The following SEL1L3 variants were observed in gnomAD, a reference collection of about 807,000 sequenced individuals.
SEL1L3 encodes the protein SEL1L family member 3.
In SEL1L3, 76 loss-of-function variants were observed where a neutral mutation model predicts 142.8. That is an observed-to-expected ratio of 0.53 (90% CI 0.44 to 0.64). The LOEUF (loss-of-function observed/expected upper bound fraction) is 0.64, where lower values mean the gene tolerates loss of function less well. SEL1L3 is among the 30% of genes least tolerant of loss of function. The pLI is 0.00. For synonymous variants in SEL1L3, 504 were observed against 519.6 expected, an observed-to-expected ratio of 0.97 and a Z score of 0.41; for missense variants, 1,262 against 1,381.7, an observed-to-expected ratio of 0.91 and a Z score of 1.37.
chr4:25,832,011 A>G (rs1715480627), intron 5 of SEL1L3, among the ~76,000 whole-genome samples: 1 of 152,198 alleles, frequency 6.6e-6, no homozygotes, highest in South Asian at 2.1e-4. Context: ...AAGAGAAAGC[A>G]TCAACCAAGC....
chr4:25,852,739 C>T (rs1716988076), intron 1 of SEL1L3, among the ~76,000 whole-genome samples: 1 of 152,146 alleles, frequency 6.6e-6, no homozygotes, highest in Non-Finnish European at 1.5e-5. Flanking sequence ...TGTTCTTTCC[C>T]AAAGAACAAC....
intron 3 of SEL1L3, among the ~76,000 whole-genome samples, chr4:25,834,387 T>C (rs1168460780): frequency 2.0e-5 from 3 of 152,262 alleles, no homozygotes; most frequent in African/African-American, 7.2e-5. Context: ...ATTTTGTATG[T>C]GAAACATGGA....
In SEL1L3 at chr4:25,767,851, A is replaced by T. The variant is rs760719473; in HGVS notation, c.2670-21T>A. Reference sequence around the variant, plus strand: ...CATGCCTAAAAATAGATGATTAATAATAAATTTCATATAGTGGCTCTTACT... The same window carrying T: ...CATGCCTAAAAATAGATGATTAATATTAAATTTCATATAGTGGCTCTTACT... On this transcript the variant is annotated intron_variant, in intron 17 of 23. Transcript: ENST00000399878. 2.9e-6 allele frequency: 4 copies of T among 1,380,358 alleles called. No individual in the cohort carries two copies. The South Asian group carries it at 5.0e-5, about 17-fold the overall frequency. The allele number at this position is 1,380,358 out of a possible 1,614,324, so 85.5% of individuals were successfully genotyped here.
Position 25,783,693 on chromosome 4 carries a change from T to C in SEL1L3, c.2280+535A>G, listed in dbSNP as rs138912078. Among the ~76,000 whole-genome samples, 447 of 152,334 alleles carry C rather than the reference T, an allele frequency of 2.9e-3. 3 individuals are homozygous for C. Among genetic ancestry groups the C allele is most frequent in the African/African-American group, 0.01 (416 of 41,572 alleles). On this transcript the variant is annotated intron_variant, in intron 14 of 23. Coordinates refer to ENST00000399878, the MANE Select transcript of SEL1L3 (RefSeq NM_015187.5). ...AAGCAACATTGTAACCTCCATTCTG[T>C]AGAGCTGTATAGGAACTAGCTGACT...
chr4:25,770,044 C>T (rs1719046067), intron 17 of SEL1L3, among the ~76,000 whole-genome samples: 1 of 152,044 alleles, frequency 6.6e-6, no homozygotes, highest in African/African-American at 2.4e-5. Flanking sequence ...AGGAGAATCG[C>T]TCGAACACGA....
In SEL1L3 at chr4:25,862,709, C is replaced by A; in HGVS notation, c.128G>T (p.Arg43Leu). 7.7e-6 allele frequency: 10 copies of A among 1,298,036 alleles called. No individual in the cohort carries two copies. The highest frequency in any genetic ancestry group is 9.8e-6 in the Non-Finnish European group (10 of 1,020,372). 80.4% of individuals were successfully genotyped at this position (1,298,036 alleles called of 1,614,324 possible). ...GAGCAGGAGCAGCGCGCAGGCAGAG[C>A]GGCCGCCGAGGCCCTGGGGGACGCC... ...SGGVPQGLGGRSACALLLLCY... is the reference protein window; with the variant it reads ...SGGVPQGLGGLSACALLLLCY... The change falls in exon 1 of 24, where the codon CGC becomes CTC. Residue 43 changes from arginine (R) to leucine (L), a missense_variant. Coordinates refer to ENST00000399878, the MANE Select transcript of SEL1L3 (RefSeq NM_015187.5).
At chr4:25,741,025 T>C in the SEL1L3 span, among the ~76,000 whole-genome samples, 2 of 152,112 alleles carry the variant, frequency 1.3e-5, no homozygotes, top group Non-Finnish European at 2.9e-5. Context: ...CCTCAAGTGA[T>C]ATGCCCACCT....
rs1456793641 is a variant in SEL1L3 at position 25,833,092 on chromosome 4, A to G, written c.1001T>C (p.Met334Thr). The G allele has an allele frequency of 6.2e-7, 1 of 1,602,766 alleles. No homozygotes were observed. Among genetic ancestry groups the G allele is most frequent in the African/African-American group, 1.3e-5 (1 of 74,842 alleles). Residue 334 changes from methionine to threonine, a missense_variant, in exon 5 of 24, where the codon ATG becomes ACG. Met to Thr is a moderately conservative substitution (Grantham distance 81). Transcript: ENST00000399878. ...LTEEGYLHIQ[M>T]HLVKGEDLAV... ...AAGGTCTTCCCCTTTGACAAGATGC[A>G]TCTGAATATGCAAATAGCCTAAAAG...
At chr4:25,804,012 T>C (rs1713381157) in intron 10 of SEL1L3, among the ~76,000 whole-genome samples, 1 of 152,218 alleles carries the variant, frequency 6.6e-6, no homozygotes, top group South Asian at 2.1e-4. Flanking sequence ...TTGGTTCTGT[T>C]TCACTGGAGA....
chr4:25,731,005 T>C, the SEL1L3 span, among the ~76,000 whole-genome samples: 1 of 152,200 alleles, frequency 6.6e-6, no homozygotes, highest in Non-Finnish European at 1.5e-5. Flanking sequence ...CACTCCAGCC[T>C]GAGCAACAGA....
At chr4:25,858,626 G>T (rs990841449) in intron 1 of SEL1L3, among the ~76,000 whole-genome samples, 4 of 151,782 alleles carry the variant, frequency 2.6e-5, no homozygotes, top group Non-Finnish European at 4.4e-5. Context: ...TCACTCTGTC[G>T]CCAGGCTGGA....
chr4:25,862,522 C>T (rs1306856886), intron 1 of SEL1L3, among the ~76,000 whole-genome samples, 153 bp downstream of exon 1: 3 of 152,106 alleles, frequency 2.0e-5, no homozygotes, highest in Non-Finnish European at 4.4e-5. Flanking sequence ...GTACCTATCC[C>T]AGGTGCCGGG....
intron 7 of SEL1L3, among the ~76,000 whole-genome samples, chr4:25,820,885 A>G (rs936926182): frequency 1.3e-5 from 2 of 152,048 alleles, no homozygotes; most frequent in African/African-American, 4.8e-5. Context: ...GGTTCAAGTG[A>G]GCACGTCCAG....
chr4:25,835,485 C>T (rs1449902037), intron 2 of SEL1L3, among the ~76,000 whole-genome samples, 162 bp from the exon 3 acceptor site: 2 of 152,260 alleles, frequency 1.3e-5, no homozygotes, highest in African/African-American at 4.8e-5. Flanking sequence ...AAGCACCATG[C>T]TAAGCACTTT....
At chr4:25,746,334 A>G (rs1308719798), downstream of SEL1L3, among the ~76,000 whole-genome samples, 3 of 151,736 alleles carry the variant, frequency 2.0e-5, 1 homozygote, top group Admixed American at 2.0e-4. Flanking sequence ...CCTGGGCAAC[A>G]TGGCAAAACA....
At chr4:25,756,094 G>A (rs1179694838) in intron 23 of SEL1L3, 9 of 985,280 alleles carry the variant, frequency 9.1e-6, no homozygotes, top group Non-Finnish European at 1.1e-5. Flanking sequence ...TGGAAGAGAC[G>A]CTGACGTGCA....
intron 14 of SEL1L3, among the ~76,000 whole-genome samples, chr4:25,782,739 G>A (rs1052774892): frequency 2.0e-5 from 3 of 152,136 alleles, no homozygotes; most frequent in South Asian, 2.1e-4. Flanking sequence ...TTGCCCTGCC[G>A]CATCAATAGT....
At chr4:25,776,964 T>C (rs932517335) in intron 16 of SEL1L3, among the ~76,000 whole-genome samples, 1 of 151,736 alleles carries the variant, frequency 6.6e-6, no homozygotes, top group Non-Finnish European at 1.5e-5. Context: ...AAACCAAACA[T>C]ATCCATAATT....
intron 5 of SEL1L3, 120 bp downstream of exon 5, chr4:25,832,875 G>A (rs186554665): frequency 1.1e-5 from 7 of 632,954 alleles, no homozygotes; most frequent in East Asian, 5.4e-5. Flanking sequence ...TAGTTGTAAC[G>A]AGTCTATCAT....
Sources: gnomAD v4.1 joint callset for allele counts (sites outside exome capture counted in the v4.1 genomes callset) on GRCh38, gnomAD v4.1.1 for gene constraint, MANE v1.5 for transcripts, NCBI Gene and HGNC (gene_info 2026-07-23, HGNC 2026-07-21) for gene names.